Variants in ARHGEF18 observed in about 807,000 individuals in gnomAD.
ARHGEF18 encodes Rho/Rac guanine nucleotide exchange factor 18.
In ARHGEF18, 93 loss-of-function variants were observed where a neutral mutation model predicts 155.7. The observed-to-expected ratio is 0.60, with a 90% CI of 0.50 to 0.71. The LOEUF (loss-of-function observed/expected upper bound fraction) is 0.71, where lower values mean the gene tolerates loss of function less well. Ranked by LOEUF, ARHGEF18 falls within the 30% of genes least tolerant of loss-of-function variation. ARHGEF18 has a pLI of 0.00. For synonymous variants in ARHGEF18, 742 were observed against 753.1 expected (o/e 0.99, Z 0.24); for missense variants, 1,593 against 1,816.1 (o/e 0.88, Z 2.23).
intron 10 of ARHGEF18, among the ~76,000 whole-genome samples, chr19:7,416,723 C>T (rs1973046311): frequency 1.3e-5 from 2 of 151,318 alleles, no homozygotes; most frequent in African/African-American, 4.9e-5. Context: ...CTGCCTCAGC[C>T]TCCCGAGTAG....
chr19:7,400,176 T>A (rs1422918874), intron 10 of ARHGEF18, among the ~76,000 whole-genome samples: 1 of 152,188 alleles, frequency 6.6e-6, no homozygotes, highest in Non-Finnish European at 1.5e-5. Context: ...ACATTTTTAA[T>A]TCACGTCACT....
At position 7,470,478 on chromosome 19, in the gene ARHGEF18, T is replaced by A; in HGVS notation, c.*180T>A. 1.9e-6 allele frequency: 1 copy of A among 512,852 alleles called. No homozygotes were observed. The highest frequency in any genetic ancestry group is 9.7e-5 in the South Asian group (1 of 10,298). 31.8% of individuals were successfully genotyped at this position (512,852 alleles called of 1,614,324 possible). ...GCTCTGGGCCTTGCAGCTGTTTCTGTAGGGTTAGCGGTGGTGCCGGGGTCA... is the reference window on the plus strand; with the variant it reads ...GCTCTGGGCCTTGCAGCTGTTTCTGAAGGGTTAGCGGTGGTGCCGGGGTCA... On this transcript the variant is annotated 3_prime_UTR_variant, in exon 29 of 29. Transcript: ENST00000668164. This position sits in a 1 kb window ranked among gnomAD's most constrained non-coding sequence, Gnocchi z 5.9.
At chr19:7,403,554 T>C (rs1972131722) in intron 10 of ARHGEF18, among the ~76,000 whole-genome samples, 1 of 140,094 alleles carries the variant, frequency 7.1e-6, no homozygotes, top group East Asian at 2.0e-4. Flanking sequence ...TCTTTCTTTC[T>C]TTTTTTTTTT....
chr19:7,394,938 A>G, intron 10 of ARHGEF18: 1 of 523,410 alleles, frequency 1.9e-6, no homozygotes, highest in Non-Finnish European at 2.4e-6. Flanking sequence ...CGCCGCGAGC[A>G]CCCTCCCACT....
chr19:7,362,324 AGGT>A (rs144947660), intron 1 of ARHGEF18, among the ~76,000 whole-genome samples: 6,836 of 146,832 alleles, frequency 0.047, 881 homozygotes, highest in African/African-American at 0.16. Flanking sequence ...AGAAGGAAGA[AGGT>A]GGAGGAGGAG....
chr19:7,379,103 C>A lies in ARHGEF18; in HGVS notation c.600-19C>A. ...TGGAGCTACCATGGGCTGTTCTAAT[C>A]CCACCTCCACCCCCACAGGCTGATT... On this transcript the variant is annotated intron_variant, in intron 6 of 28. Coordinates refer to ENST00000668164, the MANE Select transcript of ARHGEF18 (RefSeq NM_001367823.1). 1 of 1,232,266 alleles carries A rather than the reference C, an allele frequency of 8.1e-7. No homozygotes were observed. The allele number at this position is 1,232,266 out of a possible 1,614,324, so 76.3% of individuals were successfully genotyped here.
At chr19:7,388,522 C>T (rs1389742261) in intron 10 of ARHGEF18, among the ~76,000 whole-genome samples, 6 of 152,098 alleles carry the variant, frequency 3.9e-5, no homozygotes, top group Non-Finnish European at 5.9e-5. Flanking sequence ...AGGGTTTGAA[C>T]TCACAGCCTG....
chr19:7,360,353 A>G (rs1345091635), intron 1 of ARHGEF18, among the ~76,000 whole-genome samples: 5 of 151,686 alleles, frequency 3.3e-5, no homozygotes, highest in Admixed American at 3.3e-4. Context: ...CCCATGTGTC[A>G]GCCTCCCTAG....
chr19:7,383,308 T>G, intron 10 of ARHGEF18, 105 bp downstream of exon 10: 3 of 1,204,582 alleles, frequency 2.5e-6, no homozygotes, highest in Non-Finnish European at 3.1e-6. Flanking sequence ...TGCATCCTCG[T>G]TCTGTTTTGC....
intron 2 of ARHGEF18, among the ~76,000 whole-genome samples, chr19:7,369,409 T>C (rs9748964): frequency 0.39 from 58,283 of 150,196 alleles, 11,938 homozygotes; most frequent in African/African-American, 0.54. Flanking sequence ...TGCAGTGAGC[T>C]GAGATCGGGC....
Position 7,445,576 on chromosome 19 carries a change from C to G in ARHGEF18, c.1611+1122C>G, listed in dbSNP as rs191655776. ...TTCATGTGACCTCAAACTATTTGCT[C>G]GAAGCATCCTGGGCCAACTAATTAG... On this transcript the variant is annotated intron_variant, in intron 14 of 28. Transcript: ENST00000668164. Among the ~76,000 whole-genome samples, 8 of 152,218 alleles carry G rather than the reference C, an allele frequency of 5.3e-5. No individual in the cohort carries two copies. In the South Asian group the frequency reaches 8.3e-4, roughly 16 times the overall value.
rs562999413 is a variant in ARHGEF18, at chr19:7,355,545, C to T, written c.-111+6304C>T. The stretch of plus-strand genomic sequence containing the variant: ...TCTGGCAGACCTTGGAGGCAGTCTC[C>T]GCCCCTCTTACTGGCAGCCCCATCC... On this transcript the variant is annotated intron_variant, in intron 1 of 28. Coordinates refer to ENST00000668164, the MANE Select transcript of ARHGEF18 (RefSeq NM_001367823.1). The T allele has an allele frequency of 1.8e-4, 163 of 885,144 alleles. No homozygotes were observed. In the African/African-American group the frequency reaches 2.4e-3, roughly 13 times the overall value. 54.8% of individuals were successfully genotyped at this position (885,144 alleles called of 1,614,324 possible).
At position 7,399,701 on chromosome 19, in the gene ARHGEF18, C is replaced by T. The variant is rs573043465; in HGVS notation, c.967+16498C>T. Among the ~76,000 whole-genome samples, 19 of 151,458 alleles carry T rather than the reference C, an allele frequency of 1.3e-4. No homozygotes were observed. The South Asian group carries it at 3.5e-3, about 28-fold the overall frequency. On this transcript the variant is annotated intron_variant, in intron 10 of 28. Transcript: ENST00000668164. ...TTCACCGTGTTAGCCAGGATGGTCT[C>T]GATTTCCTGACCTCGTGATCCGCCC...
At chr19:7,415,472 C>T (rs772158229) in intron 10 of ARHGEF18, among the ~76,000 whole-genome samples, 2 of 151,990 alleles carry the variant, frequency 1.3e-5, no homozygotes, top group African/African-American at 2.4e-5. Context: ...CTGCAGCCAT[C>T]GTTTCGAGAA....
In ARHGEF18 at chr19:7,441,892, A is replaced by G. The variant is rs768520994; in HGVS notation, c.1220-20A>G. ...GCATGGCTCTGGGCCCCCAGCAGCC[A>G]CACCTCGCTCTTCCCTCAGATCCCT... On this transcript the variant is annotated intron_variant, in intron 12 of 28. Transcript: ENST00000668164. 6.8e-6 allele frequency: 11 copies of G among 1,613,642 alleles called. 1 individual carries two copies. The highest frequency in any genetic ancestry group is 1.7e-4 in the Middle Eastern group (1 of 6,016).
In ARHGEF18 at chr19:7,402,205, C is replaced by T. The variant is rs190002359; in HGVS notation, c.967+19002C>T. On this transcript the variant is annotated intron_variant, in intron 10 of 28. Transcript: ENST00000668164. ...GGAGGCCAAGACGGGCAGATCACAA[C>T]GTCAGGAGTTCGAGACCAGCCTGGC... is the stretch of plus-strand genomic sequence containing the variant. Among the ~76,000 whole-genome samples the T allele has an allele frequency of 4.3e-3, 657 of 152,148 alleles. 10 individuals are homozygous for T. Among genetic ancestry groups the T allele is most frequent in the African/African-American group, 0.015 (635 of 41,532 alleles).
At chr19:7,408,964 G>A (rs1972498114) in intron 10 of ARHGEF18, among the ~76,000 whole-genome samples, 1 of 152,006 alleles carries the variant, frequency 6.6e-6, no homozygotes, top group South Asian at 2.1e-4. Context: ...GGAGGCTGAG[G>A]CAGGAAGATC....
At chr19:7,392,979 G>A (rs1299694656) in intron 10 of ARHGEF18, among the ~76,000 whole-genome samples, 1 of 144,286 alleles carries the variant, frequency 6.9e-6, no homozygotes, top group African/African-American at 2.6e-5. Context: ...CCCAGGAGAT[G>A]GAAGCTGCAA....
At chr19:7,367,875 T>TATATACAC (rs1969990314) in intron 2 of ARHGEF18, among the ~76,000 whole-genome samples, 3 of 40,064 alleles carry the variant, frequency 7.5e-5, no homozygotes, top group Non-Finnish European at 1.1e-4. Flanking sequence ...TATTTTTATA[T>TATATACAC]ATATATATTT....
Sources: allele counts gnomAD v4.1 joint callset (sites outside exome capture counted in the v4.1 genomes callset), GRCh38; gene constraint gnomAD v4.1.1; non-coding constraint Gnocchi (gnomAD v3.1); transcripts MANE v1.5; gene names NCBI Gene and HGNC (gene_info 2026-07-23, HGNC 2026-07-21).